Variants in ZNF516 observed in about 807,000 individuals in gnomAD.
ZNF516 encodes zinc finger protein 516.
Under a neutral mutation model 79.7 loss-of-function variants are expected in ZNF516, and 19 were observed. The ratio of observed to expected loss-of-function variants is 0.24; its 90% CI spans 0.17 to 0.35. ZNF516 has a LOEUF of 0.35. ZNF516 is among the 10% of genes least tolerant of loss of function. The pLI is 1.00. For missense variants in ZNF516, 1,678 were observed against 1,679.5 expected (o/e 1.00, Z 0.02); for synonymous variants, 877 against 739.5 (o/e 1.19, Z -3.02).
chr18:76,483,438 C>T (rs1914644593), intron 1 of ZNF516, among the ~76,000 whole-genome samples: 1 of 152,358 alleles, frequency 6.6e-6, no homozygotes, highest in African/African-American at 2.4e-5. Context: ...TCCCTGCCCA[C>T]TCCTGTGGGA....
intron 1 of ZNF516, among the ~76,000 whole-genome samples, chr18:76,476,088 C>A (rs1417193370): frequency 6.6e-6 from 1 of 152,164 alleles, no homozygotes. Flanking sequence ...ATAAACTATG[C>A]ACTTTGTACT....
intron 4 of ZNF516, among the ~76,000 whole-genome samples, chr18:76,373,554 C>T (rs1289637886): frequency 6.6e-6 from 1 of 152,216 alleles, no homozygotes; most frequent in Non-Finnish European, 1.5e-5. Flanking sequence ...CATGCAATGT[C>T]ATCTGTGTCT....
At position 76,442,788 on chromosome 18, in the gene ZNF516, C is replaced by G; in HGVS notation, c.267G>C (p.Leu89=). The G allele has an allele frequency of 6.2e-7, 1 of 1,606,208 alleles. No individual in the cohort carries two copies. ...CCGCCTCCGGCTCGTGTCCCTGAATCAGAGTCCCCGTGCGGTGGCTCCGGA... is the reference window on the plus strand; with the variant it reads ...CCGCCTCCGGCTCGTGTCCCTGAATGAGAGTCCCCGTGCGGTGGCTCCGGA... ...IHIRSHRTGT[L]IQGHEPEAGE... Residue 89 remains leucine (L), a synonymous_variant, in exon 3 of 7, where the codon CTG becomes CTC. Transcript: ENST00000443185.
chr18:76,460,809 T>C (rs1913054331), intron 2 of ZNF516, among the ~76,000 whole-genome samples: 1 of 152,208 alleles, frequency 6.6e-6, no homozygotes, highest in Non-Finnish European at 1.5e-5. Flanking sequence ...GGAGAAGCCA[T>C]GCCACATGAT....
At chr18:76,437,876 A>G (rs56208136) in intron 3 of ZNF516, among the ~76,000 whole-genome samples, 2,894 of 152,368 alleles carry the variant, frequency 0.019, 80 homozygotes, top group African/African-American at 0.066. Context: ...ATCCACGGAT[A>G]CACAGGGCCA....
intron 3 of ZNF516, among the ~76,000 whole-genome samples, chr18:76,405,476 A>C: frequency 6.6e-6 from 1 of 152,182 alleles, no homozygotes; most frequent in Non-Finnish European, 1.5e-5. Context: ...CATCAGCATG[A>C]AGCAGCTGAG....
chr18:76,357,877 G>C lies in ZNF516; in HGVS notation c.*4621C>G, dbSNP rs1296044991. On this transcript the variant is annotated 3_prime_UTR_variant, in exon 7 of 7. Coordinates refer to ENST00000443185, the MANE Select transcript of ZNF516 (RefSeq NM_014643.4). Reference sequence around the variant, plus strand: ...CGTCCTGTATGGGTGACAGTGCAAGGGTAAGAACAGTGGGTGTATTCAGTG... The same window carrying C: ...CGTCCTGTATGGGTGACAGTGCAAGCGTAAGAACAGTGGGTGTATTCAGTG... 6.6e-6 allele frequency among the ~76,000 whole-genome samples: 1 copy of C among 152,030 alleles called. No individual in the cohort carries two copies. The highest frequency in any genetic ancestry group is 2.4e-5 in the African/African-American group (1 of 41,390).
chr18:76,450,408 GA>G (rs1912335097), intron 2 of ZNF516, among the ~76,000 whole-genome samples: 1 of 151,132 alleles, frequency 6.6e-6, no homozygotes, highest in African/African-American at 2.4e-5. Context: ...TGCAGGTTGG[GA>G]AACTACCTTT....
At chr18:76,490,793 C>T (rs1038415312) in intron 1 of ZNF516, 31 of 985,354 alleles carry the variant, frequency 3.1e-5, no homozygotes, top group Non-Finnish European at 3.5e-5. Context: ...GGTTAAGTCA[C>T]ACGACGAGCG....
intron 1 of ZNF516, among the ~76,000 whole-genome samples, chr18:76,477,524 A>G (rs1299482458): frequency 6.6e-6 from 1 of 152,218 alleles, no homozygotes; most frequent in African/African-American, 2.4e-5. Flanking sequence ...AAAAGGCGAG[A>G]TTCGTTCTGT....
intron 3 of ZNF516, among the ~76,000 whole-genome samples, chr18:76,417,690 T>TA (rs1425212452): frequency 1.3e-5 from 2 of 152,216 alleles, no homozygotes; most frequent in Non-Finnish European, 2.9e-5. Context: ...AGCTTTCAAT[T>TA]AGAGAAAATA....
chr18:76,492,444 C>T (rs1280037560), intron 1 of ZNF516: 6 of 864,544 alleles, frequency 6.9e-6, no homozygotes, highest in Non-Finnish European at 5.6e-6. Context: ...GGGTGGGCAG[C>T]CGAACTTTCA....
At chr18:76,449,139 A>C (rs2145598632) in intron 2 of ZNF516, among the ~76,000 whole-genome samples, 1 of 152,264 alleles carries the variant, frequency 6.6e-6, no homozygotes, top group East Asian at 1.9e-4. Flanking sequence ...TGCCCAAGTC[A>C]AGCCAAAGCC....
intron 3 of ZNF516, among the ~76,000 whole-genome samples, chr18:76,440,775 CAT>C (rs2075807267): frequency 2.0e-5 from 3 of 146,346 alleles, no homozygotes; most frequent in Admixed American, 2.0e-4. Context: ...CGCACGCGCG[CAT>C]GCATCGTATG....
intron 1 of ZNF516, chr18:76,490,217 CA>C: frequency 1.0e-6 from 1 of 985,184 alleles, no homozygotes; most frequent in African/African-American, 1.7e-5. Flanking sequence ...CGTCCTCCTA[CA>C]AGTAACCCAA....
intron 3 of ZNF516, among the ~76,000 whole-genome samples, chr18:76,434,649 A>G (rs1055815986): frequency 5.3e-5 from 8 of 152,218 alleles, no homozygotes; most frequent in Non-Finnish European, 1.0e-4. Flanking sequence ...TGCGTACAAC[A>G]TGGGCACAAG....
intron 1 of ZNF516, 41 bp from the exon 2 acceptor site, chr18:76,463,182 T>G (rs1913232886): frequency 6.6e-6 from 1 of 152,244 alleles, no homozygotes; most frequent in Non-Finnish European, 1.5e-5. Context: ...AATTATGTTT[T>G]TAAGAACCAT....
intron 3 of ZNF516, among the ~76,000 whole-genome samples, chr18:76,402,267 G>A (rs2075240720): frequency 6.6e-6 from 1 of 152,170 alleles, no homozygotes; most frequent in African/African-American, 2.4e-5. Flanking sequence ...GCTGTCCCGC[G>A]CAGCTGCCTC....
At chr18:76,483,742 T>C (rs1322635657) in intron 1 of ZNF516, among the ~76,000 whole-genome samples, 1 of 152,198 alleles carries the variant, frequency 6.6e-6, no homozygotes, top group Non-Finnish European at 1.5e-5. Context: ...TACTCTCTTA[T>C]AAAAATATGT....
Sources: gnomAD v4.1 joint callset for allele counts (sites outside exome capture counted in the v4.1 genomes callset) on GRCh38, gnomAD v4.1.1 for gene constraint, MANE v1.5 for transcripts, NCBI Gene and HGNC (gene_info 2026-07-23, HGNC 2026-07-21) for gene names.